Variants in KPNA3 observed in about 807,000 individuals in gnomAD.
KPNA3 encodes the protein importin subunit alpha-4.
KPNA3 carries 13 observed loss-of-function variants against 73.8 expected under a neutral mutation model. The observed-to-expected ratio is 0.18, with a 90% CI of 0.11 to 0.28. The LOEUF (loss-of-function observed/expected upper bound fraction) is 0.28. KPNA3 is among the 10% of genes least tolerant of loss of function. The pLI is 1.00. For missense variants in KPNA3, 360 were observed against 618.1 expected (o/e 0.58, Z 4.43); for synonymous variants, 186 against 206.9 (o/e 0.90, Z 0.87).
intron 9 of KPNA3, among the ~76,000 whole-genome samples, chr13:49,721,130 A>C (rs1195115942): frequency 2.0e-5 from 3 of 151,594 alleles, no homozygotes; most frequent in African/African-American, 7.3e-5. Flanking sequence ...GAGGCACGAG[A>C]CTCGCTTGAA....
rs1457134228 is a variant in KPNA3 at position 49,746,989 on chromosome 13, A to G, written c.74T>C (p.Met25Thr). 1 of 1,607,516 alleles carries G rather than the reference A, an allele frequency of 6.2e-7. No individual in the cohort carries two copies. The highest frequency in any genetic ancestry group is 8.5e-7 in the Non-Finnish European group (1 of 1,174,678). Residue 25 changes from methionine (M) to threonine (T), a missense_variant, in exon 2 of 17, where the codon ATG becomes ACG. This residue lies in a region of KPNA3 where 287 missense variants were observed against 549.1 expected (regional missense o/e 0.52). Transcript: ENST00000261667. ...TGTCACTTCATTTCTATGTCTTCGC[A>G]TTGTCTAGAAAAGAAAAACAAAGAT... ...FKNKGRDVETMRRHRNEVTVE... is the reference protein window; with the variant it reads ...FKNKGRDVETTRRHRNEVTVE...
intron 7 of KPNA3, among the ~76,000 whole-genome samples, chr13:49,724,931 A>G (rs1450597653): frequency 6.6e-6 from 1 of 152,232 alleles, no homozygotes; most frequent in Non-Finnish European, 1.5e-5. Context: ...GATTCAATGT[A>G]ACTTACTGCC....
chr13:49,729,571 T>C (rs1238407573), intron 6 of KPNA3, among the ~76,000 whole-genome samples: 2 of 152,030 alleles, frequency 1.3e-5, no homozygotes, highest in Non-Finnish European at 1.5e-5. Flanking sequence ...GATCACAAGG[T>C]CAGGAGATCG....
At chr13:49,727,936 T>C (rs1438698252) in intron 6 of KPNA3, among the ~76,000 whole-genome samples, 3 of 152,100 alleles carry the variant, frequency 2.0e-5, no homozygotes, top group Non-Finnish European at 2.9e-5. Context: ...GTTAACTCCT[T>C]TTAAGAAGGG....
chr13:49,778,793 A>G (rs2137601483), intron 1 of KPNA3, among the ~76,000 whole-genome samples: 1 of 152,214 alleles, frequency 6.6e-6, no homozygotes, highest in African/African-American at 2.4e-5. Context: ...TTTTGTGTAG[A>G]GATGAGGTCT....
intron 11 of KPNA3, among the ~76,000 whole-genome samples, chr13:49,710,637 A>G (rs1954251313): frequency 6.6e-6 from 1 of 152,218 alleles, no homozygotes; most frequent in South Asian, 2.1e-4. Flanking sequence ...CTGTCTAGTT[A>G]ACCACGGAAA....
At chr13:49,775,173 AAAAAAAAAAAAAAG>A (rs1446860903) in intron 1 of KPNA3, among the ~76,000 whole-genome samples, 4 of 88,674 alleles carry the variant, frequency 4.5e-5, no homozygotes, top group Non-Finnish European at 1.3e-4. Flanking sequence ...AAAAAAAAAA[AAAAAAAAAAAAAAG>A]AAAAAAGAAA....
chr13:49,722,427 G>T, intron 8 of KPNA3, 50 bp downstream of exon 8: 1 of 1,279,146 alleles, frequency 7.8e-7, no homozygotes, highest in Non-Finnish European at 1.1e-6. Flanking sequence ...TGCCAATGTA[G>T]GAAAAAAGTT....
chr13:49,743,522 A>G (rs940822855), intron 2 of KPNA3, among the ~76,000 whole-genome samples: 7 of 152,004 alleles, frequency 4.6e-5, no homozygotes, highest in Admixed American at 2.0e-4. Context: ...TTTTGGTCCT[A>G]CTACAAGTAT....
At chr13:49,749,436 C>G (rs1954644110) in intron 1 of KPNA3, among the ~76,000 whole-genome samples, 1 of 152,222 alleles carries the variant, frequency 6.6e-6, no homozygotes, top group Non-Finnish European at 1.5e-5. Flanking sequence ...CACCTCGATT[C>G]TTACTTGTTT....
chr13:49,721,459 C>T (rs1162880547), intron 9 of KPNA3, among the ~76,000 whole-genome samples: 1 of 152,100 alleles, frequency 6.6e-6, no homozygotes, highest in African/African-American at 2.4e-5. Flanking sequence ...GACATTCTTT[C>T]AGGTACAGTA....
intron 2 of KPNA3, among the ~76,000 whole-genome samples, chr13:49,741,712 C>T (rs1954576007): frequency 6.6e-6 from 1 of 152,242 alleles, no homozygotes; most frequent in Non-Finnish European, 1.5e-5. Flanking sequence ...CCTCGGCCTC[C>T]CAAAGTGCTG....
chr13:49,713,634 AACACACACACACAC>A (rs66994650), intron 10 of KPNA3, among the ~76,000 whole-genome samples: 6 of 140,930 alleles, frequency 4.3e-5, no homozygotes, highest in East Asian at 2.2e-4. Context: ...TCTTAGGTGA[AACACACACACACAC>A]ACACACACAC....
At chr13:49,735,650 C>T (rs1954515481) in intron 2 of KPNA3, among the ~76,000 whole-genome samples, 1 of 152,140 alleles carries the variant, frequency 6.6e-6, no homozygotes, top group Non-Finnish European at 1.5e-5. Flanking sequence ...TGGGAACTTA[C>T]CTAATTTCAA....
intron 10 of KPNA3, among the ~76,000 whole-genome samples, chr13:49,717,104 A>G (rs1277497951): frequency 6.6e-6 from 1 of 151,988 alleles, no homozygotes; most frequent in Non-Finnish European, 1.5e-5. Context: ...ACATCTACCT[A>G]CAGTCAAACT....
chr13:49,702,192 A>G (rs923285131), intron 16 of KPNA3, among the ~76,000 whole-genome samples, 194 bp downstream of exon 16: 2 of 152,214 alleles, frequency 1.3e-5, no homozygotes, highest in Non-Finnish European at 2.9e-5. Context: ...GAAATGAAAC[A>G]AGAACTGTTT....
At chr13:49,709,259 G>C (rs957500760) in intron 12 of KPNA3, among the ~76,000 whole-genome samples, 1 of 152,116 alleles carries the variant, frequency 6.6e-6, no homozygotes, top group Non-Finnish European at 1.5e-5. Context: ...AAATTAGCTG[G>C]GCGTGGTGGC....
intron 15 of KPNA3, 102 bp downstream of exon 15, chr13:49,705,516 AAAC>A: frequency 8.6e-7 from 1 of 1,162,132 alleles, no homozygotes; most frequent in Non-Finnish European, 1.2e-6. Context: ...GATCATTTAA[AAAC>A]AACGTATCCT....
intron 2 of KPNA3, among the ~76,000 whole-genome samples, chr13:49,736,616 TAC>T (rs1954523315): frequency 6.6e-6 from 1 of 152,218 alleles, no homozygotes; most frequent in African/African-American, 2.4e-5. Context: ...AAAACTATAG[TAC>T]AGTATCACAA....
Sources: allele counts gnomAD v4.1 joint callset (sites outside exome capture counted in the v4.1 genomes callset), GRCh38; gene constraint gnomAD v4.1.1; regional missense constraint gnomAD v4.1.1; transcripts MANE v1.5; gene names NCBI Gene and HGNC (gene_info 2026-07-23, HGNC 2026-07-21).